The following COL6A6 variants were observed in gnomAD, a reference collection of about 807,000 sequenced individuals.
COL6A6 encodes the protein collagen type VI alpha 6 chain.
Under a neutral mutation model 208.6 loss-of-function variants are expected in COL6A6, and 183 were observed. The ratio of observed to expected loss-of-function variants is 0.88; its 90% CI spans 0.78 to 0.99. COL6A6 has a LOEUF of 0.99. Ranked by LOEUF, COL6A6 falls within the 50% of genes least tolerant of loss-of-function variation. The pLI, the probability that COL6A6 is intolerant of heterozygous loss-of-function variation, is 0.00. For missense variants in COL6A6, 2,816 were observed against 2,815.2 expected (o/e 1.00, Z -0.01); for synonymous variants, 973 against 1,011.8 (o/e 0.96, Z 0.73).
chr3:130,620,254 G>A (rs1266419599), intron 23 of COL6A6, among the ~76,000 whole-genome samples: 1 of 152,144 alleles, frequency 6.6e-6, no homozygotes, highest in African/African-American at 2.4e-5. Context: ...ATTCATACGG[G>A]TGCCATTCAG....
chr3:130,517,020 C>A (rs955458611), upstream of COL6A6, among the ~76,000 whole-genome samples: 3 of 152,206 alleles, frequency 2.0e-5, no homozygotes, highest in Non-Finnish European at 4.4e-5. Flanking sequence ...GGAGCAGTAA[C>A]AGCCTTCATA....
intron 1 of COL6A6, among the ~76,000 whole-genome samples, chr3:130,538,133 A>G (rs2062268267): frequency 6.6e-6 from 1 of 152,264 alleles, no homozygotes; most frequent in Non-Finnish European, 1.5e-5. Context: ...CTGGACTCAG[A>G]TCAGCAGGAC....
chr3:130,528,088 T>C (rs755495526), intron 1 of COL6A6, among the ~76,000 whole-genome samples: 1 of 151,948 alleles, frequency 6.6e-6, no homozygotes, highest in Non-Finnish European at 1.5e-5. Context: ...ATTTGAGATA[T>C]GCTATGAAAA....
intron 32 of COL6A6, among the ~76,000 whole-genome samples, chr3:130,647,768 G>A (rs909194231): frequency 2.6e-5 from 4 of 152,228 alleles, no homozygotes; most frequent in Admixed American, 2.0e-4. Context: ...TCTTTGCTGT[G>A]TTTATTATCT....
chr3:130,543,094 C>A (rs1307427193), intron 1 of COL6A6, among the ~76,000 whole-genome samples: 3 of 151,916 alleles, frequency 2.0e-5, no homozygotes, highest in Non-Finnish European at 4.4e-5. Flanking sequence ...TTAGTAGAGA[C>A]AGGGTTTCAC....
At chr3:130,591,325 C>T (rs764767301) in intron 13 of COL6A6, among the ~76,000 whole-genome samples, 17 of 152,140 alleles carry the variant, frequency 1.1e-4, no homozygotes, top group Non-Finnish European at 2.1e-4. Flanking sequence ...GAATTCAATG[C>T]GGAAGTAACC....
At chr3:130,645,959 AT>A (rs2065451917) in intron 32 of COL6A6, among the ~76,000 whole-genome samples, 1 of 152,208 alleles carries the variant, frequency 6.6e-6, no homozygotes, top group Non-Finnish European at 1.5e-5. Context: ...AAGTGCCAGT[AT>A]GTGTAGTAGG....
intron 23 of COL6A6, among the ~76,000 whole-genome samples, chr3:130,612,335 G>A (rs1038061798): frequency 2.0e-5 from 3 of 152,096 alleles, no homozygotes; most frequent in Non-Finnish European, 4.4e-5. Context: ...TCTGTTTCCA[G>A]TTCTTTGAGG....
At position 130,602,476 on chromosome 3, in the gene COL6A6, G is replaced by C. The variant is rs1053355942; in HGVS notation, c.4653+2666G>C. 3.9e-5 allele frequency among the ~76,000 whole-genome samples: 6 copies of C among 152,152 alleles called. No homozygotes were observed. In the South Asian group the frequency reaches 8.3e-4, roughly 21 times the overall value. On this transcript the variant is annotated intron_variant, in intron 20 of 36. Transcript: ENST00000358511. ...GGGCAGATAAAGCCTCATTAGAAGA[G>C]GAATTATTCAAGGAAAAATATGAAT...
In COL6A6 at chr3:130,574,208, C is replaced by G; in HGVS notation, c.3230C>G (p.Thr1077Arg). The G allele has an allele frequency of 6.2e-7, 1 of 1,614,018 alleles. No homozygotes were observed. Among genetic ancestry groups the G allele is most frequent in the South Asian group, 1.1e-5 (1 of 91,088 alleles). The change falls in exon 8 of 37, where the codon ACA becomes AGA. Residue 1077 changes from threonine to arginine, a missense_variant. Coordinates refer to ENST00000358511, the MANE Select transcript of COL6A6 (RefSeq NM_001102608.3). ...IENIKQIFGN[T>R]HIGAALREVE... The stretch of plus-strand genomic sequence containing the variant: ...AACATCAAGCAGATCTTTGGAAACA[C>G]ACACATCGGTGCTGCACTCAGGGAG...
chr3:130,535,908 A>G (rs2062213293), intron 1 of COL6A6, among the ~76,000 whole-genome samples: 1 of 152,226 alleles, frequency 6.6e-6, no homozygotes, highest in African/African-American at 2.4e-5. Context: ...TCACTGTAGG[A>G]CCTTAGAAAA....
chr3:130,538,410 G>A (rs983996836), intron 1 of COL6A6, among the ~76,000 whole-genome samples: 7 of 152,120 alleles, frequency 4.6e-5, no homozygotes, highest in African/African-American at 1.7e-4. Flanking sequence ...GCCTTTTCTA[G>A]GTTACTCACA....
intron 1 of COL6A6, among the ~76,000 whole-genome samples, chr3:130,552,324 T>C (rs541413912): frequency 6.6e-6 from 1 of 152,360 alleles, no homozygotes; most frequent in Admixed American, 6.5e-5. Context: ...CGCTGCTGTT[T>C]TGGGTGCATA....
chr3:130,546,470 G>A (rs1340171776), intron 1 of COL6A6, among the ~76,000 whole-genome samples: 1 of 152,190 alleles, frequency 6.6e-6, no homozygotes, highest in East Asian at 1.9e-4. Context: ...AAGAACAAAA[G>A]AACAAAGCTT....
intron 23 of COL6A6, among the ~76,000 whole-genome samples, chr3:130,611,932 C>T (rs1456977848): frequency 6.6e-6 from 1 of 152,046 alleles, no homozygotes; most frequent in Non-Finnish European, 1.5e-5. Flanking sequence ...CGATCCTTTC[C>T]CATCCTTTAC....
chr3:130,518,239 A>G (rs996496578), intron 1 of COL6A6, among the ~76,000 whole-genome samples: 1 of 152,190 alleles, frequency 6.6e-6, no homozygotes, highest in Non-Finnish European at 1.5e-5. Flanking sequence ...TATCTGAGAC[A>G]GTAAAAATCC....
rs750765238 is a variant in COL6A6, at chr3:130,643,053, A to G, written c.5227+30A>G. On this transcript the variant is annotated intron_variant, in intron 31 of 36. Transcript: ENST00000358511. ...GTACCCTGCTTAAAATGATCACCCA[A>G]GTTGTCAGCATTCATACAAGAAAAG... 11 of 1,607,384 alleles carry G rather than the reference A, an allele frequency of 6.8e-6. No individual in the cohort carries two copies. In the African/African-American group the frequency reaches 1.2e-4, roughly 18 times the overall value.
At chr3:130,589,477 C>T (rs2063623125) in intron 12 of COL6A6, among the ~76,000 whole-genome samples, 1 of 152,170 alleles carries the variant, frequency 6.6e-6, no homozygotes, top group Non-Finnish European at 1.5e-5. Flanking sequence ...TATAATTCCT[C>T]ATGTTGGATA....
intron 28 of COL6A6, among the ~76,000 whole-genome samples, chr3:130,638,217 T>C (rs968935230): frequency 6.6e-6 from 1 of 152,192 alleles, no homozygotes; most frequent in Non-Finnish European, 1.5e-5. Context: ...TCTGAACTGA[T>C]TTGTTTCAGA....
Sources: allele counts gnomAD v4.1 joint callset (sites outside exome capture counted in the v4.1 genomes callset), GRCh38; gene constraint gnomAD v4.1.1; transcripts MANE v1.5; gene names NCBI Gene and HGNC (gene_info 2026-07-23, HGNC 2026-07-21).